The following PCNX2 variants were observed in gnomAD, a reference collection of about 807,000 sequenced individuals.
The protein encoded by PCNX2 is pecanex 2.
In PCNX2, 168 loss-of-function variants were observed where a neutral mutation model predicts 223.8. The ratio of observed to expected loss-of-function variants is 0.75; its 90% CI spans 0.66 to 0.85. The LOEUF is 0.85. PCNX2 is among the 40% of genes least tolerant of loss of function. PCNX2 has a pLI of 0.00. For missense variants in PCNX2, 2,507 were observed against 2,675.5 expected, an observed-to-expected ratio of 0.94 and a Z score of 1.39; for synonymous variants, 1,006 against 1,052.6, an observed-to-expected ratio of 0.96 and a Z score of 0.86.
At chr1:233,324,998 T>G in the PCNX2 span, among the ~76,000 whole-genome samples, 1 of 152,360 alleles carries the variant, frequency 6.6e-6, no homozygotes, top group African/African-American at 2.4e-5. Flanking sequence ...CCAAGAGCTC[T>G]GCTAGAGATG....
intron 21 of PCNX2, among the ~76,000 whole-genome samples, chr1:233,106,347 CTTTTTTTT>C (rs912803573): frequency 3.5e-5 from 4 of 115,684 alleles, no homozygotes; most frequent in East Asian, 2.5e-4. Context: ...TCTCCTCCCT[CTTTTTTTT>C]TTTTTTTTTT....
intron 21 of PCNX2, among the ~76,000 whole-genome samples, chr1:233,105,621 T>C (rs1674723423): frequency 6.6e-6 from 1 of 152,054 alleles, no homozygotes; most frequent in Non-Finnish European, 1.5e-5. Context: ...AGATTTTAAC[T>C]AAAAAGAAAA....
At chr1:233,117,532 C>A (rs774337908) in intron 21 of PCNX2, among the ~76,000 whole-genome samples, 1 of 145,240 alleles carries the variant, frequency 6.9e-6, no homozygotes, top group African/African-American at 2.6e-5. Context: ...ACCCGGGAGG[C>A]GGAGCTTGCA....
At chr1:233,097,821 G>T (rs936615341) in intron 21 of PCNX2, among the ~76,000 whole-genome samples, 6 of 152,272 alleles carry the variant, frequency 3.9e-5, no homozygotes, top group African/African-American at 1.4e-4. Flanking sequence ...GACACGATTT[G>T]CATTAAAAGT....
At chr1:233,074,384 G>C in intron 23 of PCNX2, among the ~76,000 whole-genome samples, 1 of 152,028 alleles carries the variant, frequency 6.6e-6, no homozygotes, top group Non-Finnish European at 1.5e-5. Context: ...CACGAGGTCA[G>C]GAGATCGAGA....
chr1:233,071,390 T>C (rs564771643), intron 23 of PCNX2, among the ~76,000 whole-genome samples: 1 of 152,310 alleles, frequency 6.6e-6, no homozygotes, highest in South Asian at 2.1e-4. Flanking sequence ...GCCTCCCACT[T>C]ATAAGTGAGA....
At chr1:233,014,601 A>C in intron 28 of PCNX2, 64 bp downstream of exon 28, 3 of 1,265,554 alleles carry the variant, frequency 2.4e-6, no homozygotes, top group Middle Eastern at 1.9e-4. Flanking sequence ...GATTGACAAA[A>C]TCTGTCAAAC....
intron 23 of PCNX2, among the ~76,000 whole-genome samples, chr1:233,075,696 A>AAAACACACAC (rs1302509493): frequency 7.3e-6 from 1 of 137,242 alleles, no homozygotes; most frequent in African/African-American, 2.8e-5. Flanking sequence ...GTTAGCTTAA[A>AAAACACACAC]ACACACACAC....
intron 19 of PCNX2, among the ~76,000 whole-genome samples, chr1:233,152,614 G>T (rs115453102): frequency 3.6e-4 from 54 of 152,108 alleles, no homozygotes; most frequent in African/African-American, 1.3e-3. Flanking sequence ...TAATTACTGC[G>T]CAAATTCTGT....
Position 233,179,111 on chromosome 1 carries a change from A to T in PCNX2, c.3131T>A (p.Leu1044His). The change falls in exon 16 of 34, where the codon CTT becomes CAT. Residue 1044 changes from leucine (L) to histidine (H), a missense_variant. Around this residue, in one of 3 missense-constraint regions of PCNX2, gnomAD observed 1,372 missense variants for 1,509.4 expected, o/e 0.91. Coordinates refer to ENST00000258229, the MANE Select transcript of PCNX2 (RefSeq NM_014801.4). ...GCTCTGACGGCTCAGATGGTAAGAA[A>T]GGGCGACCAAGAGGCCACAGAAGGC... ...FSAFCGLLVA[L>H]SYHLSRQSSD... The T allele has an allele frequency of 6.2e-7, 1 of 1,613,882 alleles. No individual in the cohort carries two copies. The highest frequency in any genetic ancestry group is 8.5e-7 in the Non-Finnish European group (1 of 1,179,824).
intron 1 of PCNX2, among the ~76,000 whole-genome samples, chr1:233,284,519 T>G (rs765791231): frequency 2.0e-5 from 3 of 152,112 alleles, no homozygotes; most frequent in Non-Finnish European, 2.9e-5. Flanking sequence ...AGATTCCATC[T>G]CCCATCTTTA....
intron 23 of PCNX2, among the ~76,000 whole-genome samples, chr1:233,070,568 C>A (rs1009194845): frequency 3.9e-5 from 6 of 152,024 alleles, no homozygotes; most frequent in South Asian, 2.1e-4. Context: ...GCACAGAAAT[C>A]AGTCAGTATA....
intron 17 of PCNX2, among the ~76,000 whole-genome samples, chr1:233,176,262 T>C (rs977634481): frequency 1.3e-5 from 2 of 152,198 alleles, no homozygotes; most frequent in Non-Finnish European, 2.9e-5. Flanking sequence ...AAAAGAACTT[T>C]TGAAGCTGTC....
chr1:233,236,967 T>A lies in PCNX2; in HGVS notation c.2236A>T (p.Ser746Cys). The change falls in exon 9 of 34, where the codon AGC (serine) becomes TGC (cysteine). Residue 746 changes from serine to cysteine, a missense_variant. This residue lies in a region of PCNX2 where 1,031 missense variants were observed against 1,021.7 expected (regional missense o/e 1.01). Transcript: ENST00000258229. ...CLSQAREMQV[S>C]SSSTTTSESQ... ...TCAGAAGTTGTGGTACTGGAGGAGC[T>A]GACCTGCATCTCTCTGAGGATGGGC... The A allele has an allele frequency of 6.2e-7, 1 of 1,613,972 alleles. No individual in the cohort carries two copies. The highest frequency in any genetic ancestry group is 8.5e-7 in the Non-Finnish European group (1 of 1,179,866).
rs185362723 is a variant in PCNX2 at position 233,245,883 on chromosome 1, T to C, written c.2222+4856A>G. ...GTGAGCCCAGATCGCGCCACTGCAC[T>C]CCAGACTGGGTGACAGACGGAGACT... On this transcript the variant is annotated intron_variant, in intron 8 of 33. Coordinates refer to ENST00000258229, the MANE Select transcript of PCNX2 (RefSeq NM_014801.4). 6.3e-3 allele frequency among the ~76,000 whole-genome samples: 955 copies of C among 152,218 alleles called. 8 individuals carry two copies. The highest frequency in any genetic ancestry group is 0.022 in the African/African-American group (907 of 41,516).
intron 23 of PCNX2, among the ~76,000 whole-genome samples, chr1:233,078,982 CA>C (rs1225396478): frequency 6.6e-6 from 1 of 152,150 alleles, no homozygotes; most frequent in Non-Finnish European, 1.5e-5. Context: ...TTTGGCTTCT[CA>C]GAAGTAACAG....
intron 4 of PCNX2, 59 bp from the exon 5 acceptor site, chr1:233,259,403 C>T: frequency 6.7e-7 from 1 of 1,492,682 alleles, no homozygotes. Context: ...TGCCCAAGAG[C>T]AAGACCTAAT....
chr1:233,231,154 G>C (rs1424493857), intron 9 of PCNX2, among the ~76,000 whole-genome samples: 3 of 152,170 alleles, frequency 2.0e-5, no homozygotes, highest in African/African-American at 7.2e-5. Context: ...GGAAGCCAAA[G>C]TCTGGGCTCT....
At position 233,187,396 on chromosome 1, in the gene PCNX2, C is replaced by A. The variant is rs938172145; in HGVS notation, c.3067-8221G>T. Among the ~76,000 whole-genome samples the A allele has an allele frequency of 9.9e-5, 15 of 152,112 alleles. No homozygotes were observed. In the East Asian group the frequency reaches 2.9e-3, roughly 29 times the overall value. ...CTGGTGTCACTGAAACAAGTTTTGT[C>A]TTCCATCACTACTAGGGTCACAACA... On this transcript the variant is annotated intron_variant, in intron 15 of 33. Transcript: ENST00000258229.
Sources: gnomAD v4.1 joint callset for allele counts (sites outside exome capture counted in the v4.1 genomes callset) on GRCh38, gnomAD v4.1.1 for gene constraint, gnomAD v4.1.1 regional missense constraint, MANE v1.5 for transcripts, NCBI Gene and HGNC (gene_info 2026-07-23, HGNC 2026-07-21) for gene names.